Variants in MARCHF1 observed in about 807,000 individuals in gnomAD.
The protein encoded by MARCHF1 is membrane associated ring-CH-type finger 1.
In MARCHF1, 40 loss-of-function variants were observed where a neutral mutation model predicts 54.2. The ratio of observed to expected loss-of-function variants is 0.74; its 90% CI spans 0.57 to 0.96. The LOEUF (loss-of-function observed/expected upper bound fraction) is 0.96. MARCHF1 is among the 40% of genes least tolerant of loss of function. The pLI is 0.00. For synonymous variants in MARCHF1, 236 were observed against 236.3 expected, an observed-to-expected ratio of 1.00 and a Z score of 0.01; for missense variants, 586 against 656.5, an observed-to-expected ratio of 0.89 and a Z score of 1.17.
intron 1 of MARCHF1, among the ~76,000 whole-genome samples, chr4:164,249,267 C>G (rs749900332): frequency 1.4e-4 from 22 of 152,042 alleles, no homozygotes; most frequent in Non-Finnish European, 2.6e-4. Context: ...ATGATTGCAT[C>G]ACTTGAAGTG....
chr4:164,190,762 T>G (rs1418608646), intron 1 of MARCHF1, among the ~76,000 whole-genome samples: 1 of 152,210 alleles, frequency 6.6e-6, no homozygotes, highest in East Asian at 1.9e-4. Flanking sequence ...CTGTTGAGTT[T>G]CATCTTCATA....
intron 4 of MARCHF1, among the ~76,000 whole-genome samples, chr4:163,751,449 T>A (rs13105978): frequency 0.31 from 46,541 of 151,864 alleles, 8,691 homozygotes; most frequent in Non-Finnish European, 0.43. Context: ...CCATTTTTTT[T>A]AATATGTAGA....
Position 163,710,788 on chromosome 4 carries a change from G to A in MARCHF1, c.112-9925C>T, listed in dbSNP as rs1399097380. Among the ~76,000 whole-genome samples the A allele has an allele frequency of 7.2e-5, 11 of 152,112 alleles. No homozygotes were observed. In the East Asian group the frequency reaches 1.5e-3, roughly 21 times the overall value. On this transcript the variant is annotated intron_variant, in intron 4 of 9. Transcript: ENST00000514618. ...TTCACACATCTTTATAGTAATGAAA[G>A]GATGGAAAATAAGGGCATTCAATGA... is the stretch of plus-strand genomic sequence containing the variant.
intron 1 of MARCHF1, among the ~76,000 whole-genome samples, chr4:164,147,841 A>G (rs1729803476): frequency 1.6e-5 from 2 of 127,476 alleles, no homozygotes; most frequent in Admixed American, 8.4e-5. Flanking sequence ...AAGTCAATAA[A>G]AAAAATAAAT....
At chr4:163,551,975 T>C (rs1165404831) in intron 8 of MARCHF1, among the ~76,000 whole-genome samples, 1 of 152,290 alleles carries the variant, frequency 6.6e-6, no homozygotes, top group African/African-American at 2.4e-5. Context: ...TAAGTCCCTT[T>C]ACAGATAAGC....
At chr4:164,141,724 C>G (rs1453979860) in intron 1 of MARCHF1, among the ~76,000 whole-genome samples, 1 of 152,220 alleles carries the variant, frequency 6.6e-6, no homozygotes, top group Non-Finnish European at 1.5e-5. Flanking sequence ...TTGAAAATCA[C>G]CTTTATAAAT....
intron 2 of MARCHF1, among the ~76,000 whole-genome samples, chr4:164,017,139 T>TA (rs376866390): frequency 4.1e-4 from 62 of 151,714 alleles, no homozygotes; most frequent in East Asian, 1.5e-3. Flanking sequence ...CTAAGGACCT[T>TA]AAAAAAAAGG....
intron 2 of MARCHF1, among the ~76,000 whole-genome samples, chr4:163,994,085 A>G (rs906033625): frequency 3.3e-5 from 5 of 152,082 alleles, no homozygotes; most frequent in African/African-American, 4.8e-5. Context: ...AGCAAAATAG[A>G]AAAAACTGTT....
chr4:164,081,052 C>A (rs1463412102), intron 2 of MARCHF1, among the ~76,000 whole-genome samples: 1 of 147,406 alleles, frequency 6.8e-6, no homozygotes, highest in East Asian at 2.0e-4. Flanking sequence ...ACTAAAAATA[C>A]AAAAAATTAG....
At chr4:164,211,675 A>G (rs1221559556) in intron 1 of MARCHF1, among the ~76,000 whole-genome samples, 1 of 152,072 alleles carries the variant, frequency 6.6e-6, no homozygotes, top group Non-Finnish European at 1.5e-5. Context: ...TCATGTTCTT[A>G]TATTGGCCTT....
At chr4:164,129,604 A>C (rs1021761240) in intron 1 of MARCHF1, among the ~76,000 whole-genome samples, 4 of 152,188 alleles carry the variant, frequency 2.6e-5, no homozygotes, top group Admixed American at 6.6e-5. Flanking sequence ...TTTTTGAATT[A>C]GTTGATTATA....
chr4:164,260,955 T>C (rs948787309), intron 1 of MARCHF1, among the ~76,000 whole-genome samples: 3 of 152,170 alleles, frequency 2.0e-5, no homozygotes, highest in African/African-American at 7.2e-5. Context: ...GTTGTTGAAT[T>C]ATTTATGTAT....
At chr4:164,017,973 A>G (rs1753580334) in intron 2 of MARCHF1, among the ~76,000 whole-genome samples, 1 of 151,958 alleles carries the variant, frequency 6.6e-6, no homozygotes, top group Non-Finnish European at 1.5e-5. Context: ...AGAGAAATAA[A>G]TAAAAAGTTT....
At chr4:164,058,587 A>G (rs1201715442) in intron 2 of MARCHF1, among the ~76,000 whole-genome samples, 3 of 152,164 alleles carry the variant, frequency 2.0e-5, no homozygotes, top group African/African-American at 7.2e-5. Context: ...CTATGGGAGA[A>G]GCAAATGCCA....
intron 3 of MARCHF1, among the ~76,000 whole-genome samples, chr4:163,880,183 G>A (rs558119740): frequency 1.0e-4 from 15 of 150,330 alleles, no homozygotes; most frequent in Admixed American, 6.6e-5. Context: ...AGAGAGAGAG[G>A]TTGAGATATA....
intron 1 of MARCHF1, among the ~76,000 whole-genome samples, chr4:164,285,045 C>T (rs1734109845): frequency 7.0e-6 from 1 of 142,706 alleles, no homozygotes; most frequent in Non-Finnish European, 1.5e-5. Context: ...AGGTTGACTA[C>T]TGTAGGTGTT....
intron 8 of MARCHF1, among the ~76,000 whole-genome samples, chr4:163,575,657 A>C (rs1740011614): frequency 6.6e-6 from 1 of 151,938 alleles, no homozygotes; most frequent in Non-Finnish European, 1.5e-5. Context: ...GGTATAATTT[A>C]GCTGTAAATC....
intron 2 of MARCHF1, among the ~76,000 whole-genome samples, chr4:164,018,808 T>A (rs1391854074): frequency 6.6e-6 from 1 of 152,172 alleles, no homozygotes; most frequent in Non-Finnish European, 1.5e-5. Context: ...TGTGACATGG[T>A]GGTTTTCAAG....
At chr4:164,328,535 T>C (rs565325540) in intron 1 of MARCHF1, among the ~76,000 whole-genome samples, 1 of 151,906 alleles carries the variant, frequency 6.6e-6, no homozygotes, top group Non-Finnish European at 1.5e-5. Context: ...ATATGAAATT[T>C]TTTTTTTTTT....
Sources: allele counts gnomAD v4.1 joint callset (sites outside exome capture counted in the v4.1 genomes callset), GRCh38; gene constraint gnomAD v4.1.1; transcripts MANE v1.5; gene names NCBI Gene and HGNC (gene_info 2026-07-23, HGNC 2026-07-21).